MTFR2: variants seen among roughly 807,000 people sequenced by gnomAD.
MTFR2 encodes the protein mitochondrial fission regulator 2.
MTFR2 carries 44 observed loss-of-function variants against 41.2 expected under a neutral mutation model. That is an observed-to-expected ratio of 1.07 (90% CI 0.84 to 1.37). MTFR2 has a LOEUF of 1.37. Ranked by LOEUF, MTFR2 falls within the 40% of genes most tolerant of loss-of-function variation. The probability of loss-of-function intolerance (pLI) is 0.00; values close to 1 mark genes in which losing one functional copy is unlikely to be tolerated. For synonymous variants in MTFR2, 141 were observed against 154.6 expected, an observed-to-expected ratio of 0.91 and a Z score of 0.65; for missense variants, 452 against 459.5, an observed-to-expected ratio of 0.98 and a Z score of 0.15.
chr6:136,248,516 C>A (rs1187764566), intron 2 of MTFR2, among the ~76,000 whole-genome samples: 2 of 152,224 alleles, frequency 1.3e-5, no homozygotes, highest in African/African-American at 4.8e-5. Flanking sequence ...CTTTGCTACT[C>A]ATTTGCCTTC....
In MTFR2 at chr6:136,250,281, C is replaced by CGGACTGCTACTTCCGCATGACA. The variant is rs576863256; in HGVS notation, c.-382_-361dup. The CGGACTGCTACTTCCGCATGACA allele has an allele frequency of 8.3e-4, 127 of 152,654 alleles. No homozygotes were observed. The highest frequency in any genetic ancestry group is 2.9e-3 in the African/African-American group (119 of 41,566). 9.5% of individuals were successfully genotyped at this position (152,654 alleles called of 1,614,324 possible). On this transcript the variant is annotated 5_prime_UTR_variant, in exon 1 of 8. In the 5' UTR this introduces an upstream ATG that the reference lacks. Coordinates refer to ENST00000420702, the MANE Select transcript of MTFR2 (RefSeq NM_001099286.3). Reference sequence around the variant, plus strand: ...CAACCCACCTGCTAGTCCCTAGGACCGGACTGCTACTTCCGCATGACAGGA... The same window carrying CGGACTGCTACTTCCGCATGACA: ...CAACCCACCTGCTAGTCCCTAGGACCGGACTGCTACTTCCGCATGACAGGACTGCTACTTCCGCATGACAGGA...
intron 6 of MTFR2, among the ~76,000 whole-genome samples, chr6:136,235,033 G>A (rs1006696655): frequency 2.0e-5 from 3 of 152,186 alleles, no homozygotes; most frequent in African/African-American, 7.2e-5. Flanking sequence ...GGGATTACAG[G>A]TGTGCGCCAT....
intron 6 of MTFR2, among the ~76,000 whole-genome samples, chr6:136,238,697 C>A (rs1779969149): frequency 6.6e-6 from 1 of 151,702 alleles, no homozygotes; most frequent in African/African-American, 2.4e-5. Context: ...CACACACACA[C>A]ACACACACAC....
At chr6:136,240,334 T>A (rs1260335973) in intron 5 of MTFR2, among the ~76,000 whole-genome samples, 12 of 151,800 alleles carry the variant, frequency 7.9e-5, no homozygotes, top group Non-Finnish European at 1.5e-5. Context: ...CTGTGTATAG[T>A]TATATATCAT....
At chr6:136,248,957 A>G in intron 2 of MTFR2, 80 bp downstream of exon 2, 1 of 1,289,530 alleles carries the variant, frequency 7.8e-7, no homozygotes, top group Non-Finnish European at 1.1e-6. Context: ...CTTAAATCAA[A>G]TGATTACATA....
intron 2 of MTFR2, among the ~76,000 whole-genome samples, chr6:136,246,388 T>C (rs945780729): frequency 8.6e-5 from 13 of 151,972 alleles, no homozygotes; most frequent in Non-Finnish European, 1.8e-4. Context: ...GCTCAAGCAA[T>C]CCTCCTACCT....
At chr6:136,240,338 A>G (rs56321964) in intron 5 of MTFR2, among the ~76,000 whole-genome samples, 3,909 of 151,868 alleles carry the variant, frequency 0.026, 162 homozygotes, top group African/African-American at 0.088. Flanking sequence ...GTATAGTTAT[A>G]TATCATTTTA....
At position 136,242,953 on chromosome 6, in the gene MTFR2, A is replaced by G. The variant is rs1263265962; in HGVS notation, c.189T>C (p.Ser63=). The change falls in exon 4 of 8, where the codon TCT becomes TCC. Residue 63 remains serine, a synonymous_variant. Coordinates refer to ENST00000420702, the MANE Select transcript of MTFR2 (RefSeq NM_001099286.3). ...PNFELIPLLN[S]VDSDNCGSMV... ...TAGATCCACAATTATCAGAGTCTAC[A>G]GAGTTCAAGAGCGGGATCAACTAAA... 6.2e-7 allele frequency: 1 copy of G among 1,607,646 alleles called. No individual in the cohort carries two copies. Among genetic ancestry groups the G allele is most frequent in the African/African-American group, 1.3e-5 (1 of 74,460 alleles).
Position 136,231,133 on chromosome 6 carries a change from A to C in MTFR2, c.*142T>G. On this transcript the variant is annotated 3_prime_UTR_variant, in exon 8 of 8. Coordinates refer to ENST00000420702, the MANE Select transcript of MTFR2 (RefSeq NM_001099286.3). ...AAAAATGACAGGCATACATATTTAC[A>C]TAGCAAGTGTAGGCAAAATGTGTCA... is the stretch of plus-strand genomic sequence containing the variant. The C allele has an allele frequency of 1.7e-6, 1 of 586,536 alleles. No homozygotes were observed. Among genetic ancestry groups the C allele is most frequent in the Non-Finnish European group, 3.0e-6 (1 of 331,166 alleles). 36.3% of individuals were successfully genotyped at this position (586,536 alleles called of 1,614,324 possible).
intron 7 of MTFR2, among the ~76,000 whole-genome samples, chr6:136,232,893 G>A (rs1193367854): frequency 6.6e-6 from 1 of 152,146 alleles, no homozygotes; most frequent in African/African-American, 2.4e-5. Context: ...TACATGCAGA[G>A]TTAACATTAT....
chr6:136,232,987 T>C (rs1012999676), intron 7 of MTFR2, among the ~76,000 whole-genome samples: 1 of 152,212 alleles, frequency 6.6e-6, no homozygotes, highest in African/African-American at 2.4e-5. Flanking sequence ...GGGGAATCTA[T>C]TGCACCATTC....
At chr6:136,244,166 C>T (rs1780155557) in intron 3 of MTFR2, among the ~76,000 whole-genome samples, 1 of 152,034 alleles carries the variant, frequency 6.6e-6, no homozygotes, top group Non-Finnish European at 1.5e-5. Context: ...TTTAGTGTAG[C>T]CTAAGTGTAC....
chr6:136,232,034 T>C (rs898198325), intron 7 of MTFR2, among the ~76,000 whole-genome samples: 1 of 152,252 alleles, frequency 6.6e-6, no homozygotes. Context: ...CAAACTGCTC[T>C]ACAAATGTTA....
chr6:136,245,987 G>C (rs751017868), intron 2 of MTFR2, among the ~76,000 whole-genome samples: 1 of 152,112 alleles, frequency 6.6e-6, no homozygotes, highest in Non-Finnish European at 1.5e-5. Context: ...AGAGGATATA[G>C]ATCCCAGACC....
At chr6:136,237,886 C>T (rs1779950466) in intron 6 of MTFR2, among the ~76,000 whole-genome samples, 1 of 151,866 alleles carries the variant, frequency 6.6e-6, no homozygotes, top group Non-Finnish European at 1.5e-5. Context: ...TTATGTTTCT[C>T]AGGAAGCTAT....
In MTFR2 at chr6:136,233,378, TC is replaced by T. The variant is rs1285099239; in HGVS notation, c.990del (p.Glu332ArgfsTer50). The T allele has an allele frequency of 6.2e-7, 1 of 1,612,436 alleles. No individual in the cohort carries two copies. Among genetic ancestry groups the T allele is most frequent in the Admixed American group, 1.7e-5 (1 of 60,014 alleles). Reference sequence around the variant, plus strand: ...GAAGATTCCCAAGATCTATTCTCTTTCTCAAAAGAATCATCTTCTTGAAATG... The same window carrying T: ...GAAGATTCCCAAGATCTATTCTCTTTTCAAAAGAATCATCTTCTTGAAATG... The part of the protein sequence containing the change: ...KFAFQEDDSF[E>X]KENRSWESSP... On this transcript the variant is annotated frameshift_variant, in exon 7 of 8. Transcript: ENST00000420702. LOFTEE classifies it high-confidence loss of function.
At chr6:136,234,137 G>A (rs1168358972) in intron 6 of MTFR2, among the ~76,000 whole-genome samples, 3 of 151,824 alleles carry the variant, frequency 2.0e-5, no homozygotes, top group African/African-American at 7.3e-5. Flanking sequence ...TTCGAGAGCA[G>A]CTTGGGTAAC....
intron 4 of MTFR2, 118 bp downstream of exon 4, chr6:136,242,743 G>A: frequency 1.5e-6 from 1 of 661,906 alleles, no homozygotes; most frequent in African/African-American, 1.9e-5. Context: ...AGATACAGTA[G>A]GGCACAGCAC....
Position 136,233,259 on chromosome 6 carries a change from A to G in MTFR2, c.1044+66T>C, listed in dbSNP as rs149551540. 5 of 1,387,460 alleles carry G rather than the reference A, an allele frequency of 3.6e-6. No homozygotes were observed. The African/African-American group carries it at 7.1e-5, about 20-fold the overall frequency. 85.9% of individuals were successfully genotyped at this position (1,387,460 alleles called of 1,614,324 possible). Reference sequence around the variant, plus strand: ...ATTACTTCAAGAGAACTTGAACACAAAGCTGTAACATAAACAACACATCTG... The same window carrying G: ...ATTACTTCAAGAGAACTTGAACACAGAGCTGTAACATAAACAACACATCTG... On this transcript the variant is annotated intron_variant, in intron 7 of 7. Transcript: ENST00000420702.
Sources: gnomAD v4.1 joint callset for allele counts (sites outside exome capture counted in the v4.1 genomes callset) on GRCh38, gnomAD v4.1.1 for gene constraint, MANE v1.5 for transcripts, NCBI Gene and HGNC (gene_info 2026-07-23, HGNC 2026-07-21) for gene names.